The following ODAD2 variants were observed in gnomAD, a reference collection of about 807,000 sequenced individuals.
ODAD2 encodes outer dynein arm docking complex subunit 2.
In ODAD2, 89 loss-of-function variants were observed where a neutral mutation model predicts 106.8. The observed-to-expected ratio is 0.83, with a 90% CI of 0.70 to 0.99. The LOEUF is 0.99. Ranked by LOEUF, ODAD2 falls within the 50% of genes least tolerant of loss-of-function variation. The pLI is 0.00. For missense variants in ODAD2, 1,168 were observed against 1,238.5 expected (o/e 0.94, Z 0.85); for synonymous variants, 404 against 436.2 (o/e 0.93, Z 0.92).
chr10:27,851,023 GA>G (rs1422972523), intron 19 of ODAD2, among the ~76,000 whole-genome samples: 2 of 152,172 alleles, frequency 1.3e-5, no homozygotes, highest in Non-Finnish European at 2.9e-5. Flanking sequence ...GGGGTCTGCG[GA>G]AGGTGCCTCT....
In ODAD2 at chr10:27,827,379, C is replaced by CTATATA. The variant is rs10580710; in HGVS notation, c.3022-14760_3022-14755dup. 4.3e-3 allele frequency among the ~76,000 whole-genome samples: 573 copies of CTATATA among 132,400 alleles called. 7 individuals carry two copies. Among genetic ancestry groups the CTATATA allele is most frequent in the African/African-American group, 5.0e-3 (166 of 33,184 alleles). 86.9% of individuals were successfully genotyped at this position (132,400 alleles called of 152,430 possible). Reference sequence around the variant, plus strand: ...AGACACACACATACACACACACACACTATATATATATATATATATATATAT... The same window carrying CTATATA: ...AGACACACACATACACACACACACACTATATATATATATATATATATATATATATAT... On this transcript the variant is annotated intron_variant, in intron 19 of 19. Transcript: ENST00000305242.
Position 27,823,603 on chromosome 10 carries a change from C to G in ODAD2, c.3022-10978G>C, listed in dbSNP as rs188131042. Among the ~76,000 whole-genome samples, 23 of 152,210 alleles carry G rather than the reference C, an allele frequency of 1.5e-4. No individual in the cohort carries two copies. The East Asian group carries it at 4.4e-3, about 29-fold the overall frequency. ...TGTAAAGTGCTCATGCTATGTGCCC[C>G]TAAATTATAGTTGTTATTATTATTA... On this transcript the variant is annotated intron_variant, in intron 19 of 19. Coordinates refer to ENST00000305242, the MANE Select transcript of ODAD2 (RefSeq NM_018076.5).
intron 1 of ODAD2, 92 bp from the exon 2 acceptor site, chr10:27,995,272 T>C: frequency 7.8e-7 from 1 of 1,283,632 alleles, no homozygotes; most frequent in South Asian, 1.6e-5. Flanking sequence ...GTACTCCCCA[T>C]CCCACATTCT....
chr10:27,985,783 TATAC>T (rs2133144264), intron 3 of ODAD2, among the ~76,000 whole-genome samples: 1 of 150,512 alleles, frequency 6.6e-6, no homozygotes, highest in South Asian at 2.1e-4. Flanking sequence ...ATACATAATA[TATAC>T]ATAATTTAAT....
intron 13 of ODAD2, 35 bp from the exon 14 acceptor site, chr10:27,940,042 G>A (rs1395265535): frequency 7.1e-7 from 1 of 1,411,620 alleles, no homozygotes. Flanking sequence ...ATGTGTTCAA[G>A]ACGTGAATAT....
intron 17 of ODAD2, among the ~76,000 whole-genome samples, chr10:27,902,884 G>A (rs765814597): frequency 6.6e-6 from 1 of 152,012 alleles, no homozygotes; most frequent in Non-Finnish European, 1.5e-5. Context: ...GAGGAGCTGG[G>A]ACCATTCCTT....
At position 27,827,364 on chromosome 10, in the gene ODAD2, A is replaced by G. The variant is rs185249904; in HGVS notation, c.3022-14739T>C. Among the ~76,000 whole-genome samples the G allele has an allele frequency of 8.6e-3, 980 of 113,512 alleles. 15 individuals are homozygous for G. Among genetic ancestry groups the G allele is most frequent in the African/African-American group, 0.031 (922 of 29,824 alleles). 74.5% of individuals were successfully genotyped at this position (113,512 alleles called of 152,430 possible). A position where few individuals can be genotyped will look rare whatever the true frequency, so the allele number is the denominator to read the frequency against. ...ACATATATACATAGCAGACACACAC[A>G]TACACACACACACACTATATATATA... On this transcript the variant is annotated intron_variant, in intron 19 of 19. Coordinates refer to ENST00000305242, the MANE Select transcript of ODAD2 (RefSeq NM_018076.5).
At chr10:27,844,187 C>T (rs1177606698) in intron 19 of ODAD2, among the ~76,000 whole-genome samples, 3 of 152,024 alleles carry the variant, frequency 2.0e-5, no homozygotes, top group Non-Finnish European at 4.4e-5. Flanking sequence ...AGAGCAAGAC[C>T]CTGTCTCAAA....
chr10:27,933,327 G>T (rs908738628), intron 16 of ODAD2, among the ~76,000 whole-genome samples: 1 of 152,140 alleles, frequency 6.6e-6, no homozygotes, highest in African/African-American at 2.4e-5. Flanking sequence ...TGAAAGCAAA[G>T]AAGTTAAATG....
intron 15 of ODAD2, among the ~76,000 whole-genome samples, chr10:27,935,702 TA>T (rs34102636): frequency 6.3e-4 from 92 of 146,386 alleles, no homozygotes; most frequent in Middle Eastern, 3.5e-3. Flanking sequence ...GCTACTTGGA[TA>T]AAAAAAAAAA....
chr10:27,812,928 C>T (rs185279155), intron 19 of ODAD2, among the ~76,000 whole-genome samples: 17 of 152,126 alleles, frequency 1.1e-4, no homozygotes, highest in Middle Eastern at 3.4e-3. Flanking sequence ...CTGTCTTTTC[C>T]ACCTCTCAGA....
intron 15 of ODAD2, among the ~76,000 whole-genome samples, chr10:27,936,421 A>AT (rs1845975136): frequency 6.6e-6 from 1 of 152,180 alleles, no homozygotes; most frequent in Non-Finnish European, 1.5e-5. Flanking sequence ...ACTCACCTTG[A>AT]TAGGTCCCCA....
intron 17 of ODAD2, among the ~76,000 whole-genome samples, chr10:27,875,398 G>A (rs139520177): frequency 0.011 from 1,716 of 152,236 alleles, 31 homozygotes; most frequent in African/African-American, 0.039. Context: ...TTGCTGGAGA[G>A]GAGCTGCGTT....
intron 15 of ODAD2, 49 bp downstream of exon 15, chr10:27,936,677 G>A (rs746352431): frequency 4.4e-6 from 7 of 1,600,244 alleles, no homozygotes; most frequent in East Asian, 2.2e-5. Context: ...ACAAGAAGGT[G>A]TTTCAGAAGC....
At chr10:27,856,535 C>G (rs528422766) in intron 19 of ODAD2, among the ~76,000 whole-genome samples, 1 of 152,166 alleles carries the variant, frequency 6.6e-6, no homozygotes, top group African/African-American at 2.4e-5. Flanking sequence ...CTGCCAAAAA[C>G]ATCTCATCCA....
chr10:27,895,867 C>A (rs1294378842), intron 17 of ODAD2, among the ~76,000 whole-genome samples: 1 of 152,138 alleles, frequency 6.6e-6, no homozygotes. Flanking sequence ...CCTGAAGTAC[C>A]CTTCTGCCTT....
intron 18 of ODAD2, 66 bp from the exon 19 acceptor site, chr10:27,860,912 C>T (rs939881431): frequency 2.6e-5 from 36 of 1,385,838 alleles, no homozygotes; most frequent in Non-Finnish European, 3.6e-5. Flanking sequence ...TGTCTATAAG[C>T]ACTTTATGTT....
At chr10:27,878,161 A>C (rs1841471173) in intron 17 of ODAD2, among the ~76,000 whole-genome samples, 1 of 152,228 alleles carries the variant, frequency 6.6e-6, no homozygotes, top group Admixed American at 6.5e-5. Flanking sequence ...AAACAAAAAC[A>C]GTCATTGAGA....
intron 4 of ODAD2, among the ~76,000 whole-genome samples, chr10:27,984,717 T>A (rs1475895636): frequency 3.3e-5 from 5 of 152,164 alleles, no homozygotes; most frequent in Admixed American, 1.3e-4. Context: ...CAATTTTTAA[T>A]TTTTAGAACT....
Sources: allele counts gnomAD v4.1 joint callset (sites outside exome capture counted in the v4.1 genomes callset), GRCh38; gene constraint gnomAD v4.1.1; transcripts MANE v1.5; gene names NCBI Gene and HGNC (gene_info 2026-07-23, HGNC 2026-07-21).